The following SLC2A9 variants were observed in gnomAD, a reference collection of about 807,000 sequenced individuals.
SLC2A9 encodes solute carrier family 2, facilitated glucose transporter member 9.
Under a neutral mutation model 50.6 loss-of-function variants are expected in SLC2A9, and 39 were observed. The observed-to-expected ratio is 0.77, with a 90% CI of 0.60 to 1.01. The LOEUF (loss-of-function observed/expected upper bound fraction) is 1.01. Among genes scored for constraint, SLC2A9 ranks in the 50% least tolerant of loss-of-function variants. SLC2A9 has a pLI of 0.00. For missense variants in SLC2A9, 686 were observed against 677.6 expected, an observed-to-expected ratio of 1.01 and a Z score of -0.14; for synonymous variants, 324 against 276.9, an observed-to-expected ratio of 1.17 and a Z score of -1.69.
At chr4:10,009,993 G>C (rs561436310) in intron 2 of SLC2A9, among the ~76,000 whole-genome samples, 1 of 152,310 alleles carries the variant, frequency 6.6e-6, no homozygotes, top group South Asian at 2.1e-4. Context: ...ATTCATGGCA[G>C]ACCTCTCAGA....
chr4:9,900,494 C>A (rs2109895581), intron 8 of SLC2A9, among the ~76,000 whole-genome samples: 1 of 152,126 alleles, frequency 6.6e-6, no homozygotes, highest in Non-Finnish European at 1.5e-5. Context: ...GTGGAAACTG[C>A]AGGGGAATGT....
intron 3 of SLC2A9, among the ~76,000 whole-genome samples, chr4:9,799,691 T>TAC: frequency 2.4e-5 from 1 of 41,402 alleles, no homozygotes; most frequent in South Asian, 8.8e-4. Flanking sequence ...ATTCCAATTG[T>TAC]ACCCCCCCCC....
chr4:9,772,824 T>TA (rs1284221179), intron 1 of SLC2A9, among the ~76,000 whole-genome samples: 1 of 60,264 alleles, frequency 1.7e-5, no homozygotes, highest in East Asian at 3.4e-4. Context: ...TTTTTTTTTT[T>TA]ATTTTTTTTT....
At chr4:9,982,905 C>T (rs57250714) in intron 4 of SLC2A9, among the ~76,000 whole-genome samples, 78,523 of 151,964 alleles carry the variant, frequency 0.52, 21,615 homozygotes, top group East Asian at 0.89. Context: ...GTTTTGCTAA[C>T]GTTGCCCAGA....
At chr4:9,852,592 TG>T (rs1730143508) in intron 10 of SLC2A9, among the ~76,000 whole-genome samples, 1 of 152,232 alleles carries the variant, frequency 6.6e-6, no homozygotes, top group South Asian at 2.1e-4. Flanking sequence ...TCAAGAATTT[TG>T]TAGCCAGTCA....
At chr4:9,866,395 G>A (rs568041082) in intron 10 of SLC2A9, among the ~76,000 whole-genome samples, 47 of 152,142 alleles carry the variant, frequency 3.1e-4, no homozygotes, top group Non-Finnish European at 5.1e-4. Flanking sequence ...ATGCAAACCC[G>A]CCAAGCGTTT....
intron 7 of SLC2A9, among the ~76,000 whole-genome samples, chr4:9,909,490 A>G (rs1403200882): frequency 6.6e-6 from 1 of 152,208 alleles, no homozygotes; most frequent in African/African-American, 2.4e-5. Context: ...ATGGCATCAG[A>G]CAAGAACTGA....
chr4:9,901,428 G>A (rs1355641073), intron 8 of SLC2A9, among the ~76,000 whole-genome samples: 1 of 152,070 alleles, frequency 6.6e-6, no homozygotes, highest in African/African-American at 2.4e-5. Context: ...TGATTCACAG[G>A]GAAAACCGGC....
chr4:9,967,535 T>A (rs1254035708), intron 5 of SLC2A9, among the ~76,000 whole-genome samples: 1 of 151,952 alleles, frequency 6.6e-6, no homozygotes, highest in East Asian at 1.9e-4. Context: ...AAGTAAGAAC[T>A]GTTTTTAATT....
intron 2 of SLC2A9, among the ~76,000 whole-genome samples, chr4:9,998,827 A>C (rs566082209): frequency 6.6e-6 from 1 of 152,312 alleles, no homozygotes; most frequent in East Asian, 1.9e-4. Flanking sequence ...AACATGAATG[A>C]ATACAGCTCT....
chr4:9,786,377 G>C (rs571874426), intron 3 of SLC2A9, among the ~76,000 whole-genome samples: 1 of 152,218 alleles, frequency 6.6e-6, no homozygotes, highest in Non-Finnish European at 1.5e-5. Context: ...ACTGCTCTTT[G>C]ATGGTGAGAG....
upstream of SLC2A9, among the ~76,000 whole-genome samples, chr4:10,023,509 T>C (rs1763650511): frequency 6.6e-6 from 1 of 152,212 alleles, no homozygotes; most frequent in Non-Finnish European, 1.5e-5. Flanking sequence ...CCTCATCCCG[T>C]TAAAAATTGC....
At chr4:9,781,752 C>G (rs1297184736) in intron 3 of SLC2A9, 2 of 378,448 alleles carry the variant, frequency 5.3e-6, no homozygotes, top group African/African-American at 4.2e-5. Context: ...TACAGACTCC[C>G]GAGAACAGCC....
chr4:10,020,868 C>T (rs1424057731), intron 1 of SLC2A9, among the ~76,000 whole-genome samples: 1 of 152,190 alleles, frequency 6.6e-6, no homozygotes, highest in Admixed American at 6.5e-5. Flanking sequence ...CTCCCCGGAG[C>T]CCCCTGCCTG....
At chr4:9,948,188 C>G (rs778457075) in intron 5 of SLC2A9, among the ~76,000 whole-genome samples, 17 of 152,248 alleles carry the variant, frequency 1.1e-4, no homozygotes, top group Admixed American at 9.2e-4. Flanking sequence ...GGATACTTAT[C>G]CAAGGTTTTG....
At chr4:9,928,137 C>T (rs1577931861) in intron 6 of SLC2A9, among the ~76,000 whole-genome samples, 1 of 152,208 alleles carries the variant, frequency 6.6e-6, no homozygotes, top group East Asian at 1.9e-4. Context: ...CAAAAGAAAC[C>T]ACAAATTAAA....
At chr4:9,940,143 T>C (rs775441558) in intron 6 of SLC2A9, among the ~76,000 whole-genome samples, 6 of 152,218 alleles carry the variant, frequency 3.9e-5, no homozygotes, top group Non-Finnish European at 8.8e-5. Flanking sequence ...CCCAGGCTAG[T>C]AGAGACAGAG....
chr4:9,948,717 A>T (rs1439883633), intron 5 of SLC2A9, among the ~76,000 whole-genome samples: 1 of 151,990 alleles, frequency 6.6e-6, no homozygotes, highest in Non-Finnish European at 1.5e-5. Context: ...CTCAACTGAG[A>T]CCTCTGTTGT....
chr4:9,988,622 A>T (rs766073174), intron 3 of SLC2A9, among the ~76,000 whole-genome samples: 2 of 152,198 alleles, frequency 1.3e-5, no homozygotes, highest in South Asian at 4.1e-4. Context: ...AACAAGGGAG[A>T]TCAATTCTGA....
Sources: allele counts gnomAD v4.1 joint callset (sites outside exome capture counted in the v4.1 genomes callset), GRCh38; gene constraint gnomAD v4.1.1; transcripts MANE v1.5; gene names NCBI Gene and HGNC (gene_info 2026-07-23, HGNC 2026-07-21).